The following ADGRD1 variants were observed in gnomAD, a reference collection of about 807,000 sequenced individuals.
ADGRD1 encodes the protein G-protein coupled receptor 133.
A neutral mutation model predicts 113.4 loss-of-function variants in ADGRD1; 77 were observed. That is an observed-to-expected ratio of 0.68 (90% confidence interval 0.57 to 0.82). The LOEUF is 0.82. Ranked by LOEUF, ADGRD1 falls within the 40% of genes least tolerant of loss-of-function variation. The pLI, the probability that ADGRD1 is intolerant of heterozygous loss-of-function variation, is 0.00. For missense variants in ADGRD1, 1,036 were observed against 1,139.1 expected, an observed-to-expected ratio of 0.91 and a Z score of 1.30; for synonymous variants, 474 against 475.0, an observed-to-expected ratio of 1.00 and a Z score of 0.03.
intron 13 of ADGRD1, among the ~76,000 whole-genome samples, chr12:131,071,887 G>A: frequency 6.6e-6 from 1 of 150,960 alleles, no homozygotes; most frequent in Admixed American, 6.6e-5. Context: ...AGACATCGCA[G>A]CTGCTAAATG....
chr12:131,038,460 G>C (rs989668754), intron 13 of ADGRD1, among the ~76,000 whole-genome samples: 1 of 152,246 alleles, frequency 6.6e-6, no homozygotes, highest in African/African-American at 2.4e-5. Flanking sequence ...AACGAGCCCT[G>C]CTTATTCCCA....
At chr12:130,996,839 C>T (rs1291208380) in intron 8 of ADGRD1, among the ~76,000 whole-genome samples, 13 of 113,896 alleles carry the variant, frequency 1.1e-4, no homozygotes, top group East Asian at 5.6e-4. Context: ...GGGGGCTGAC[C>T]CCCCCACCTC....
At chr12:131,091,989 A>G (rs1201635) in intron 15 of ADGRD1, 142,666 of 152,302 alleles carry the variant, frequency 0.94, 67,601 homozygotes, top group East Asian at 1. Flanking sequence ...GTTCCACAAG[A>G]GGAGAGGAAC....
chr12:131,040,275 C>A (rs1881985283), intron 13 of ADGRD1, among the ~76,000 whole-genome samples: 1 of 152,212 alleles, frequency 6.6e-6, no homozygotes, highest in African/African-American at 2.4e-5. Context: ...CTCCCTCCTG[C>A]TCTTCATCCT....
intron 12 of ADGRD1, among the ~76,000 whole-genome samples, chr12:131,007,379 G>A (rs1015635376): frequency 1.3e-5 from 2 of 152,234 alleles, no homozygotes; most frequent in African/African-American, 4.8e-5. Flanking sequence ...AAAACCAGGC[G>A]GCCAGCCCAA....
At chr12:131,014,379 T>A (rs1309565376) in intron 13 of ADGRD1, 39 bp downstream of exon 13, 3 of 1,585,618 alleles carry the variant, frequency 1.9e-6, no homozygotes, top group Non-Finnish European at 2.6e-6. Context: ...CCGCCTTTGA[T>A]CTGGTTTCAC....
chr12:130,993,383 C>CATTCATTA (rs1874693605), intron 8 of ADGRD1, among the ~76,000 whole-genome samples: 1 of 149,344 alleles, frequency 6.7e-6, no homozygotes, highest in Non-Finnish European at 1.5e-5. Context: ...TTCATTCATT[C>CATTCATTA]ATTCATTCAT....
intron 13 of ADGRD1, among the ~76,000 whole-genome samples, chr12:131,031,154 C>G (rs1263839787): frequency 6.6e-6 from 1 of 152,210 alleles, no homozygotes; most frequent in Non-Finnish European, 1.5e-5. Context: ...GCCGGAAGCT[C>G]TGCTGCCTTG....
At chr12:131,108,644 A>G (rs888016770) in intron 17 of ADGRD1, 80 bp from the exon 18 acceptor site, 1 of 1,593,362 alleles carries the variant, frequency 6.3e-7, no homozygotes, top group African/African-American at 1.3e-5. Flanking sequence ...CAGGACATGG[A>G]TACTGGGAGG....
chr12:131,021,996 G>A (rs56704598), intron 13 of ADGRD1, among the ~76,000 whole-genome samples: 5,314 of 152,182 alleles, frequency 0.035, 303 homozygotes, highest in African/African-American at 0.12. Context: ...GAGCCACCGC[G>A]CTCGGCCCTG....
chr12:130,996,791 G>A (rs1206798981), intron 8 of ADGRD1, among the ~76,000 whole-genome samples: 3 of 103,324 alleles, frequency 2.9e-5, no homozygotes, highest in Non-Finnish European at 6.3e-5. Context: ...CCGGGCAGAG[G>A]CGCCCCTCAC....
Position 130,954,195 on chromosome 12 carries a change from G to A in ADGRD1, c.-271G>A. 2.6e-6 allele frequency: 1 copy of A among 383,544 alleles called. No homozygotes were observed. Among genetic ancestry groups the A allele is most frequent in the East Asian group, 3.9e-5 (1 of 25,460 alleles). The allele number at this position is 383,544 out of a possible 1,614,324, so 23.8% of individuals were successfully genotyped here. Reference sequence around the variant, plus strand: ...TTGCTTTCCCAGGACTGCGAGTCGGGTTTGGGTTTCTCCTCCCTGCATTCC... The same window carrying A: ...TTGCTTTCCCAGGACTGCGAGTCGGATTTGGGTTTCTCCTCCCTGCATTCC... On this transcript the variant is annotated 5_prime_UTR_variant, in exon 1 of 25. Coordinates refer to ENST00000261654, the MANE Select transcript of ADGRD1 (RefSeq NM_198827.5). The surrounding 1 kb of genome is among the most constrained non-coding windows in gnomAD (Gnocchi z 4.7).
rs1414920260 is a variant in ADGRD1 at position 131,105,858 on chromosome 12, C to A, written c.1880C>A (p.Pro627Gln). 1 of 1,597,022 alleles carries A rather than the reference C, an allele frequency of 6.3e-7. No individual in the cohort carries two copies. Among genetic ancestry groups the A allele is most frequent in the Non-Finnish European group, 8.5e-7 (1 of 1,178,180 alleles). Residue 627 changes from proline (P) to glutamine (Q), a missense_variant, in exon 17 of 25, where the codon CCG becomes CAG. Pro to Gln is a moderately conservative substitution (Grantham distance 76). Coordinates refer to ENST00000261654, the MANE Select transcript of ADGRD1 (RefSeq NM_198827.5). ...CTGCTCATTAGTTTCCGCCTCGAGC[C>A]GGGCACGGTGAGTGGGCGCAGCTCC... ...VLLLISFRLE[P>Q]GTTPCQVMAV...
chr12:130,991,003 G>C lies in ADGRD1; in HGVS notation c.746-11G>C, dbSNP rs367604129. On this transcript the variant is annotated splice_polypyrimidine_tract_variant and intron_variant, in intron 6 of 24. Coordinates refer to ENST00000261654, the MANE Select transcript of ADGRD1 (RefSeq NM_198827.5). ...ATGTTTTAGTCCTTAATCCAGCATT[G>C]TTTCTTCCAGGAAAGCATGCTTTAT... The C allele has an allele frequency of 6.2e-7, 1 of 1,612,702 alleles. No individual in the cohort carries two copies. Among genetic ancestry groups the C allele is most frequent in the Non-Finnish European group, 8.5e-7 (1 of 1,178,818 alleles).
At chr12:131,138,585 T>C (rs552582446) in intron 24 of ADGRD1, among the ~76,000 whole-genome samples, 16 of 152,328 alleles carry the variant, frequency 1.1e-4, no homozygotes, top group Admixed American at 5.9e-4. Context: ...GTTAGGGTTC[T>C]CACTGTGCCG....
At chr12:131,134,375 C>T (rs1009959874) in intron 21 of ADGRD1, among the ~76,000 whole-genome samples, 3 of 152,192 alleles carry the variant, frequency 2.0e-5, no homozygotes, top group Non-Finnish European at 2.9e-5. Context: ...GTTGAGAGTC[C>T]GCAGAGCTTC....
rs148149925 is a variant in ADGRD1, at chr12:131,052,156, C to T, written c.1474-24645C>T. Among the ~76,000 whole-genome samples the T allele has an allele frequency of 3.9e-5, 6 of 152,272 alleles. No homozygotes were observed. The East Asian group carries it at 1.2e-3, about 29-fold the overall frequency. On this transcript the variant is annotated intron_variant, in intron 13 of 24. Transcript: ENST00000261654. Reference sequence around the variant, plus strand: ...CCTGGAGAGAAGGGCTTGCAGGAGCCGAGCTAAGGGGAGGCTGCTGCTGCT... The same window carrying T: ...CCTGGAGAGAAGGGCTTGCAGGAGCTGAGCTAAGGGGAGGCTGCTGCTGCT...
chr12:131,060,127 C>G lies in ADGRD1; in HGVS notation c.1474-16674C>G, dbSNP rs949574779. 1.3e-5 allele frequency among the ~76,000 whole-genome samples: 2 copies of G among 152,242 alleles called. No individual in the cohort carries two copies. The highest frequency in any genetic ancestry group is 6.5e-5 in the Admixed American group (1 of 15,288). On this transcript the variant is annotated intron_variant, in intron 13 of 24. Transcript: ENST00000261654. The surrounding 1 kb of genome is among the most constrained non-coding windows in gnomAD (Gnocchi z 4.4). ...TTGGAGTCCTGGTGAGGGCTGGGTG[C>G]CGCATGGCTACTGGGTTCCCCCAGG...
intron 12 of ADGRD1, among the ~76,000 whole-genome samples, chr12:131,007,465 C>G (rs988429265): frequency 6.6e-6 from 1 of 152,202 alleles, no homozygotes. Flanking sequence ...GAGAGGCCGG[C>G]GGGGCCTGCT....
Sources: gnomAD v4.1 joint callset for allele counts (sites outside exome capture counted in the v4.1 genomes callset) on GRCh38, gnomAD v4.1.1 for gene constraint, Gnocchi (gnomAD v3.1) non-coding constraint, MANE v1.5 for transcripts, NCBI Gene and HGNC (gene_info 2026-07-23, HGNC 2026-07-21) for gene names.